The following DAGLA variants were observed in gnomAD, a reference collection of about 807,000 sequenced individuals.
DAGLA encodes diacylglycerol lipase alpha.
A neutral mutation model predicts 102.6 loss-of-function variants in DAGLA; 22 were observed. That is an observed-to-expected ratio of 0.21 (90% CI 0.15 to 0.31). The LOEUF (loss-of-function observed/expected upper bound fraction) is 0.31, where lower values mean the gene tolerates loss of function less well. DAGLA is among the 10% of genes least tolerant of loss of function. The pLI is 1.00. For missense variants in DAGLA, 927 were observed against 1,446.6 expected (o/e 0.64, Z 5.83); for synonymous variants, 578 against 628.9 (o/e 0.92, Z 1.21).
At chr11:61,688,087 C>A (rs968966834) in intron 1 of DAGLA, among the ~76,000 whole-genome samples, 1 of 151,944 alleles carries the variant, frequency 6.6e-6, no homozygotes, top group South Asian at 2.1e-4. Flanking sequence ...GAGACCGAGG[C>A]GGGCGGGTCA....
intron 8 of DAGLA, among the ~76,000 whole-genome samples, chr11:61,730,000 G>A (rs2065360633): frequency 6.6e-6 from 1 of 151,608 alleles, no homozygotes; most frequent in South Asian, 2.1e-4. Flanking sequence ...TTGAGCCCAG[G>A]AGATCAGGGC....
chr11:61,734,258 T>G lies in DAGLA; in HGVS notation c.975-591T>G. The stretch of plus-strand genomic sequence containing the variant: ...GTGTACTGACCGAGTGGCATGGCCG[T>G]GGGGGTGAGGGCTGAGGAGCCACAG... On this transcript the variant is annotated intron_variant, in intron 9 of 19. Transcript: ENST00000257215. The surrounding 1 kb of genome is among the most constrained non-coding windows in gnomAD (Gnocchi z 4.2). Among the ~76,000 whole-genome samples, 1 of 150,182 alleles carries G rather than the reference T, an allele frequency of 6.7e-6. No homozygotes were observed. The highest frequency in any genetic ancestry group is 2.5e-5 in the African/African-American group (1 of 40,636).
At chr11:61,742,187 G>A (rs1217866577) in intron 19 of DAGLA, among the ~76,000 whole-genome samples, 1 of 152,280 alleles carries the variant, frequency 6.6e-6, no homozygotes, top group Non-Finnish European at 1.5e-5. Context: ...ATACACAGAC[G>A]TCTGGTCTAC....
Position 61,734,377 on chromosome 11 carries a change from C to A in DAGLA, c.975-472C>A, listed in dbSNP as rs1421395517. Among the ~76,000 whole-genome samples, 2 of 151,928 alleles carry A rather than the reference C, an allele frequency of 1.3e-5. No individual in the cohort carries two copies. The highest frequency in any genetic ancestry group is 2.9e-5 in the Non-Finnish European group (2 of 67,982). Reference sequence around the variant, plus strand: ...AGCAGGGAAGGGGTTTGAGAGCTGGCAGGGTGTCAGGTGTCCGAGAGAGGT... The same window carrying A: ...AGCAGGGAAGGGGTTTGAGAGCTGGAAGGGTGTCAGGTGTCCGAGAGAGGT... On this transcript the variant is annotated intron_variant, in intron 9 of 19. Transcript: ENST00000257215. The surrounding 1 kb of genome is among the most constrained non-coding windows in gnomAD (Gnocchi z 4.2).
intron 19 of DAGLA, among the ~76,000 whole-genome samples, chr11:61,741,837 C>T (rs1287048328): frequency 6.6e-6 from 1 of 152,060 alleles, no homozygotes; most frequent in Non-Finnish European, 1.5e-5. Flanking sequence ...GTCTTGAACT[C>T]CTGACCTCAG....
At chr11:61,729,034 C>A in intron 8 of DAGLA, 26 bp downstream of exon 8, 1 of 1,597,998 alleles carries the variant, frequency 6.3e-7, no homozygotes, top group Non-Finnish European at 8.6e-7. Context: ...ACTCTCACCC[C>A]ACCCCGTCCC....
chr11:61,691,381 GCTATT>G (rs2065023276), intron 1 of DAGLA, among the ~76,000 whole-genome samples: 1 of 152,248 alleles, frequency 6.6e-6, no homozygotes, highest in Non-Finnish European at 1.5e-5. Context: ...GCTGAGCACA[GCTATT>G]CTCTGTCTCC....
intron 9 of DAGLA, among the ~76,000 whole-genome samples, chr11:61,733,497 C>T (rs1231530101): frequency 6.6e-6 from 1 of 152,238 alleles, no homozygotes; most frequent in Non-Finnish European, 1.5e-5. Context: ...CTAGCATCAC[C>T]AGAATCCAAG....
In DAGLA at chr11:61,744,565, G is replaced by A. The variant is rs914648237; in HGVS notation, c.*76G>A. On this transcript the variant is annotated 3_prime_UTR_variant, in exon 20 of 20. Coordinates refer to ENST00000257215, the MANE Select transcript of DAGLA (RefSeq NM_006133.3). ...GGGCACCTGGTGCCTGCCCCCTGCC[G>A]GGCAGCTTTAAGGACAGACCCCCAG... The A allele has an allele frequency of 3.3e-5, 44 of 1,335,688 alleles. No homozygotes were observed. The East Asian group carries it at 3.8e-4, about 11-fold the overall frequency. The allele number at this position is 1,335,688 out of a possible 1,614,324, so 82.7% of individuals were successfully genotyped here.
At chr11:61,717,685 G>A (rs983121192) in intron 1 of DAGLA, among the ~76,000 whole-genome samples, 1 of 152,202 alleles carries the variant, frequency 6.6e-6, no homozygotes, top group Non-Finnish European at 1.5e-5. Context: ...TCTGTGCCTC[G>A]GATTCTATGG....
chr11:61,689,294 A>G (rs1591023271), intron 1 of DAGLA, among the ~76,000 whole-genome samples: 2 of 152,252 alleles, frequency 1.3e-5, no homozygotes. Flanking sequence ...GGGAACTCCC[A>G]GTGCCCTGCC....
rs772726869 is a variant in DAGLA at position 61,736,343 on chromosome 11, G to A, written c.1364G>A (p.Arg455Gln). Residue 455 changes from arginine (R) to glutamine (Q), a missense_variant, in exon 13 of 20, where the codon CGA becomes CAA. Physicochemically the swap from Arg to Gln is conservative, Grantham distance 43. Transcript: ENST00000257215. ...ATGGTCCTGTCCCAGGCCTTTGGGC[G>A]AGACCTGGTGAGGAATTTTCCATGG... ...QEMVLSQAFG[R>Q]DLGRGTKHYG... is the part of the protein sequence containing the mutation. 1.1e-5 allele frequency: 18 copies of A among 1,613,710 alleles called. No homozygotes were observed. Among genetic ancestry groups the A allele is most frequent in the Admixed American group, 1.7e-5 (1 of 60,000 alleles).
In DAGLA at chr11:61,720,662, G is replaced by A. The variant is rs535391282; in HGVS notation, c.96-17G>A. 5.0e-6 allele frequency: 8 copies of A among 1,612,342 alleles called. No individual in the cohort carries two copies. The highest frequency in any genetic ancestry group is 2.2e-5 in the South Asian group (2 of 91,000). On this transcript the variant is annotated splice_polypyrimidine_tract_variant and intron_variant, in intron 2 of 19. Transcript: ENST00000257215. ...AGGGGCCACCTGGCCTTGCTCACAC[G>A]GGCGTTCCTGTGACAGGTTTGTGAT...
chr11:61,718,784 C>A (rs1042740891), intron 1 of DAGLA, among the ~76,000 whole-genome samples: 8 of 152,238 alleles, frequency 5.3e-5, no homozygotes, highest in Non-Finnish European at 1.0e-4. Context: ...GGCCACAGCT[C>A]GCCAAGTGGC....
chr11:61,734,927 C>T lies in DAGLA; in HGVS notation c.1053C>T (p.Ala351=), dbSNP rs765209858. ...AAGACAACTGCTGTGGCTGTAATGC[C>T]ATTGCCATCCGGCGCCACTTCCTGG... is the stretch of plus-strand genomic sequence containing the variant. The part of the protein sequence containing the change: ...IEEDNCCGCN[A]IAIRRHFLDE... Residue 351 remains alanine, a synonymous_variant, in exon 10 of 20, where the codon GCC becomes GCT. Coordinates refer to ENST00000257215, the MANE Select transcript of DAGLA (RefSeq NM_006133.3). The surrounding 1 kb of genome is among the most constrained non-coding windows in gnomAD (Gnocchi z 4.2). The T allele has an allele frequency of 1.9e-5, 30 of 1,613,980 alleles. No individual in the cohort carries two copies. The highest frequency in any genetic ancestry group is 2.5e-5 in the Non-Finnish European group (30 of 1,179,978).
Position 61,744,269 on chromosome 11 carries a change from C to T in DAGLA, c.2909C>T (p.Pro970Leu). Residue 970 changes from proline (P) to leucine (L), a missense_variant, in exon 20 of 20, where the codon CCC becomes CTC. This residue lies in a region of DAGLA where 434 missense variants were observed against 503.3 expected (regional missense o/e 0.86). Coordinates refer to ENST00000257215, the MANE Select transcript of DAGLA (RefSeq NM_006133.3). ...GCCCAGTTCGAGCCCAACCTGGTGC[C>T]CAAGCCCCCACGGCTCTTTGCCGGC... is the stretch of plus-strand genomic sequence containing the variant. Reference protein sequence around the residue: ...LRAQFEPNLVPKPPRLFAGSA... With the variant: ...LRAQFEPNLVLKPPRLFAGSA... The T allele has an allele frequency of 1.2e-6, 2 of 1,613,050 alleles. No homozygotes were observed. Among genetic ancestry groups the T allele is most frequent in the Non-Finnish European group, 1.7e-6 (2 of 1,179,974 alleles).
At chr11:61,703,795 AAGAC>A (rs1048902807) in intron 1 of DAGLA, among the ~76,000 whole-genome samples, 2 of 152,220 alleles carry the variant, frequency 1.3e-5, no homozygotes, top group African/African-American at 4.8e-5. Context: ...CCTGTAACAA[AAGAC>A]AGGTTAACAA....
intron 3 of DAGLA, 58 bp downstream of exon 3, chr11:61,720,948 C>T (rs1424743575): frequency 3.3e-6 from 5 of 1,528,456 alleles, no homozygotes; most frequent in Non-Finnish European, 3.6e-6. Flanking sequence ...TCCATTCACT[C>T]AGCCAGTATT....
chr11:61,685,881 G>T (rs572091340), intron 1 of DAGLA, among the ~76,000 whole-genome samples: 1 of 152,112 alleles, frequency 6.6e-6, no homozygotes, highest in Non-Finnish European at 1.5e-5. Context: ...GCTGTAGGGC[G>T]CATACAACAG....
Sources: allele counts gnomAD v4.1 joint callset (sites outside exome capture counted in the v4.1 genomes callset), GRCh38; gene constraint gnomAD v4.1.1; regional missense constraint gnomAD v4.1.1; non-coding constraint Gnocchi (gnomAD v3.1); transcripts MANE v1.5; gene names NCBI Gene and HGNC (gene_info 2026-07-23, HGNC 2026-07-21).